ZNF789: variants seen among roughly 807,000 people sequenced by gnomAD.
ZNF789 encodes zinc finger protein 789.
In ZNF789, 11 loss-of-function variants were observed where a neutral mutation model predicts 15.6. That is an observed-to-expected ratio of 0.70 (90% CI 0.44 to 1.16). The LOEUF is 1.16. Ranked by LOEUF, ZNF789 falls within the 50% of genes most tolerant of loss-of-function variation. The pLI is 0.00. For synonymous variants in ZNF789, 159 were observed against 176.0 expected, an observed-to-expected ratio of 0.90 and a Z score of 0.76; for missense variants, 461 against 512.6, an observed-to-expected ratio of 0.90 and a Z score of 0.97.
chr7:99,486,484 G>A lies in ZNF789; in HGVS notation c.274G>A (p.Ala92Thr). The A allele has an allele frequency of 1.2e-6, 2 of 1,610,496 alleles. No individual in the cohort carries two copies. Among genetic ancestry groups the A allele is most frequent in the Non-Finnish European group, 1.7e-6 (2 of 1,178,352 alleles). The change falls in exon 5 of 5, where the codon GCC becomes ACC. Residue 92 changes from alanine to threonine, a missense_variant. Ala to Thr is a moderately conservative substitution (Grantham distance 58, BLOSUM62 0). Transcript: ENST00000331410. ...TCTTGTTATTTGGCTAGGTTCTGAA[G>A]CCAGACACAAGATGAAAAAGCTAAC... is the stretch of plus-strand genomic sequence containing the variant. ...ASGSACPGSEARHKMKKLTPK... is the reference protein window; with the variant it reads ...ASGSACPGSETRHKMKKLTPK...
chr7:99,487,374 G>C lies in ZNF789; in HGVS notation c.1164G>C (p.Gln388His), dbSNP rs1365980540. 8.7e-6 allele frequency: 14 copies of C among 1,614,080 alleles called. No individual in the cohort carries two copies. The highest frequency in any genetic ancestry group is 1.2e-5 in the Non-Finnish European group (14 of 1,180,042). ...TTAAGAGGAATCTTTTTCGACATCA[G>C]GTCATTCACACTGGAAGCCAACCCT... ...FSFKRNLFRH[Q>H]VIHTGSQPYQ... Residue 388 changes from glutamine to histidine, a missense_variant, in exon 5 of 5, where the codon CAG becomes CAC. By Grantham distance (24) the Gln-to-His change is conservative. Coordinates refer to ENST00000331410, the MANE Select transcript of ZNF789 (RefSeq NM_213603.3).
intron 4 of ZNF789, 130 bp downstream of exon 4, chr7:99,484,273 C>CA: frequency 3.0e-6 from 2 of 658,780 alleles, no homozygotes; most frequent in East Asian, 5.5e-5. Flanking sequence ...TTCATCCCTA[C>CA]TGCCCTGTGA....
chr7:99,474,641 A>G (rs1025340373), intron 1 of ZNF789, among the ~76,000 whole-genome samples: 7 of 152,046 alleles, frequency 4.6e-5, no homozygotes, highest in African/African-American at 7.2e-5. Flanking sequence ...GTTGGATTCA[A>G]AGTCGTCCTG....
chr7:99,484,798 G>A (rs1338210513), intron 4 of ZNF789, among the ~76,000 whole-genome samples: 3 of 152,078 alleles, frequency 2.0e-5, no homozygotes, highest in South Asian at 2.1e-4. Context: ...GTGTGGTGGC[G>A]CATGCCTGTA....
At chr7:99,485,561 G>A (rs1453959008) in intron 4 of ZNF789, among the ~76,000 whole-genome samples, 3 of 152,198 alleles carry the variant, frequency 2.0e-5, no homozygotes, top group East Asian at 1.9e-4. Context: ...GCCGGGTGCC[G>A]TGGCTCACAC....
Position 99,487,198 on chromosome 7 carries a change from T to C in ZNF789, c.988T>C (p.Cys330Arg), listed in dbSNP as rs1445991824. ...KAFGRHSTLL[C>R]HQQIHSKPNT... is the part of the protein sequence containing the mutation. ...CTTTGGCCGGCATTCAACCCTTCTA[T>C]GTCATCAACAGATTCACAGTAAACC... Residue 330 changes from cysteine (C) to arginine (R), a missense_variant, in exon 5 of 5, where the codon TGT (cysteine) becomes CGT (arginine). Physicochemically the swap from Cys to Arg is radical, Grantham distance 180 (BLOSUM62 -3). Coordinates refer to ENST00000331410, the MANE Select transcript of ZNF789 (RefSeq NM_213603.3). The C allele has an allele frequency of 2.5e-6, 4 of 1,614,052 alleles. No individual in the cohort carries two copies. The highest frequency in any genetic ancestry group is 1.1e-5 in the South Asian group (1 of 91,094).
intron 3 of ZNF789, among the ~76,000 whole-genome samples, chr7:99,482,581 T>C (rs1002406002): frequency 1.3e-5 from 2 of 152,212 alleles, no homozygotes; most frequent in Non-Finnish European, 2.9e-5. Flanking sequence ...TCAGGCATGG[T>C]GGCTCATGCC....
intron 1 of ZNF789, among the ~76,000 whole-genome samples, chr7:99,475,776 G>C (rs969645371): frequency 1.3e-5 from 2 of 151,858 alleles, no homozygotes; most frequent in Non-Finnish European, 2.9e-5. Context: ...GGTTGCTGCA[G>C]GGTGTGGATC....
At chr7:99,484,241 T>C (rs916635760) in intron 4 of ZNF789, 98 bp downstream of exon 4, 1 of 882,122 alleles carries the variant, frequency 1.1e-6, no homozygotes. Context: ...AGCCAGGTGC[T>C]GGGCATATAT....
chr7:99,486,404 C>A, intron 4 of ZNF789, 72 bp from the exon 5 acceptor site: 2 of 1,377,776 alleles, frequency 1.5e-6, no homozygotes, highest in Non-Finnish European at 2.0e-6. Flanking sequence ...AGACCCCTAA[C>A]AGTTGCCTTC....
chr7:99,484,537 C>G (rs532727379), intron 4 of ZNF789, among the ~76,000 whole-genome samples: 56 of 151,898 alleles, frequency 3.7e-4, no homozygotes, highest in African/African-American at 1.3e-3. Flanking sequence ...GGAGAATCAC[C>G]GGAACCTGGG....
chr7:99,479,518 G>T, intron 2 of ZNF789, 143 bp from the exon 3 acceptor site: 1 of 986,758 alleles, frequency 1.0e-6, no homozygotes, highest in Non-Finnish European at 1.4e-6. Context: ...AGGCCTGAAA[G>T]GAGCCCTGAA....
Position 99,486,943 on chromosome 7 carries a change from A to ATGGT in ZNF789, c.733_734insTGGT (p.Thr245MetfsTer5). ...AGCCTTCAGACAGCGGTCAGCTCTTACGGTCCATAAACAGTGTCACCTGCA... is the reference window on the plus strand; with the variant it reads ...AGCCTTCAGACAGCGGTCAGCTCTTATGGTCGGTCCATAAACAGTGTCACCTGCA... On this transcript the variant is annotated frameshift_variant, in exon 5 of 5. Transcript: ENST00000331410. LOFTEE classifies it low-confidence loss of function (END_TRUNC). The ATGGT allele has an allele frequency of 6.2e-7, 1 of 1,614,100 alleles. No homozygotes were observed. Among genetic ancestry groups the ATGGT allele is most frequent in the African/African-American group, 1.3e-5 (1 of 74,948 alleles).
chr7:99,476,305 C>A, intron 1 of ZNF789, 98 bp from the exon 2 acceptor site: 1 of 720,222 alleles, frequency 1.4e-6, no homozygotes, highest in Non-Finnish European at 2.2e-6. Flanking sequence ...TTGTATTAAG[C>A]TTTGTCTGTG....
chr7:99,482,334 C>G (rs1238361767), intron 3 of ZNF789: 2 of 719,772 alleles, frequency 2.8e-6, no homozygotes, highest in African/African-American at 3.5e-5. Context: ...AAAGATTGTG[C>G]CAATCTCTGT....
chr7:99,479,627 G>C (rs1342961162), intron 2 of ZNF789, 34 bp from the exon 3 acceptor site: 8 of 1,560,914 alleles, frequency 5.1e-6, no homozygotes, highest in Admixed American at 1.9e-5. Flanking sequence ...GTTATTTTAA[G>C]AATTGCAGTT....
chr7:99,475,431 T>C (rs1304157799), intron 1 of ZNF789, among the ~76,000 whole-genome samples: 2 of 151,866 alleles, frequency 1.3e-5, no homozygotes, highest in African/African-American at 2.4e-5. Context: ...ATTGTTACTG[T>C]TGCTGAATCC....
intron 3 of ZNF789, among the ~76,000 whole-genome samples, chr7:99,482,510 T>G (rs533133957): frequency 6.6e-6 from 1 of 152,168 alleles, no homozygotes; most frequent in Non-Finnish European, 1.5e-5. Context: ...CTGTATTAAT[T>G]ACTTATACAC....
In ZNF789 at chr7:99,486,845, G is replaced by A. The variant is rs775417980; in HGVS notation, c.635G>A (p.Arg212His). 16 of 1,614,168 alleles carry A rather than the reference G, an allele frequency of 9.9e-6. No individual in the cohort carries two copies. The highest frequency in any genetic ancestry group is 4.5e-5 in the East Asian group (2 of 44,892). Residue 212 changes from arginine (R) to histidine (H), a missense_variant, in exon 5 of 5, where the codon CGT becomes CAT. By Grantham distance (29) the Arg-to-His change is conservative. Transcript: ENST00000331410. ...ECSECGKVIR[R>H]KAWFDQHQRI... ...AGTGAATGTGGAAAAGTCATTAGGC[G>A]TAAGGCATGGTTTGATCAACATCAA...
Sources: gnomAD v4.1 joint callset for allele counts (sites outside exome capture counted in the v4.1 genomes callset) on GRCh38, gnomAD v4.1.1 for gene constraint, MANE v1.5 for transcripts, NCBI Gene and HGNC (gene_info 2026-07-23, HGNC 2026-07-21) for gene names.